The following ZC3H12B variants were observed in gnomAD, a reference collection of about 807,000 sequenced individuals.
The protein encoded by ZC3H12B is probable ribonuclease ZC3H12B.
Under a neutral mutation model 43.9 loss-of-function variants are expected in ZC3H12B, and 7 were observed. The observed-to-expected ratio is 0.16, with a 90% CI of 0.09 to 0.30. The LOEUF (loss-of-function observed/expected upper bound fraction) is 0.30, where lower values mean the gene tolerates loss of function less well. ZC3H12B is among the 10% of genes least tolerant of loss of function. ZC3H12B has a pLI of 1.00. For synonymous variants in ZC3H12B, 222 were observed against 241.7 expected, an observed-to-expected ratio of 0.92 and a Z score of 0.76; for missense variants, 475 against 670.2, an observed-to-expected ratio of 0.71 and a Z score of 3.22.
chrX:65,116,720 C>A, the ZC3H12B span, among the ~76,000 whole-genome samples: 2 of 109,800 alleles, frequency 1.8e-5, no homozygotes, highest in Non-Finnish European at 1.9e-5. Context: ...CCCCCCTCCC[C>A]CCAAACCACA....
the ZC3H12B span, among the ~76,000 whole-genome samples, chrX:65,285,949 T>C: frequency 1.8e-5 from 2 of 111,895 alleles, no homozygotes; most frequent in Non-Finnish European, 3.8e-5. Flanking sequence ...CAACCTTGAA[T>C]GTAAATGGGT....
chrX:65,371,650 T>A (rs756118566), intron 2 of ZC3H12B, among the ~76,000 whole-genome samples: 1 of 112,174 alleles, frequency 8.9e-6, no homozygotes, highest in East Asian at 2.8e-4. Flanking sequence ...TGCAAGCAAA[T>A]GTACAAATAA....
chrX:65,394,842 A>G (rs1462374263), intron 2 of ZC3H12B, among the ~76,000 whole-genome samples: 2 of 112,021 alleles, frequency 1.8e-5, no homozygotes, highest in African/African-American at 6.5e-5. Context: ...TAAGCATGGA[A>G]TGTTTTTCCA....
chrX:65,443,023 G>A (rs2067323969), intron 3 of ZC3H12B, among the ~76,000 whole-genome samples: 1 of 111,010 alleles, frequency 9.0e-6, no homozygotes, highest in African/African-American at 3.3e-5. Context: ...AATAAGGAGG[G>A]GGTGCAGAAG....
chrX:65,461,746 AATG>A (rs1211411258), intron 3 of ZC3H12B, among the ~76,000 whole-genome samples: 1 of 111,479 alleles, frequency 9.0e-6, no homozygotes, highest in Non-Finnish European at 1.9e-5. Flanking sequence ...AGATATACCT[AATG>A]TTAAGTGATG....
the ZC3H12B span, among the ~76,000 whole-genome samples, chrX:65,218,776 T>A: frequency 9.0e-6 from 1 of 111,421 alleles, no homozygotes; most frequent in Non-Finnish European, 1.9e-5. Context: ...TTGGGAGCTC[T>A]ATGGCCCCAC....
the ZC3H12B span, among the ~76,000 whole-genome samples, chrX:65,200,807 T>C: frequency 1.8e-5 from 2 of 111,223 alleles, no homozygotes; most frequent in Admixed American, 1.9e-4. Context: ...ATTTTTGTTT[T>C]TGTTGCAATT....
At chrX:65,100,445 A>T in the ZC3H12B span, among the ~76,000 whole-genome samples, 17 of 107,670 alleles carry the variant, frequency 1.6e-4, no homozygotes, top group East Asian at 3.8e-3. Flanking sequence ...ACAGAGTGGC[A>T]AGTTGGATAA....
At chrX:65,066,046 CT>C in the ZC3H12B span, among the ~76,000 whole-genome samples, 1 of 108,530 alleles carries the variant, frequency 9.2e-6, no homozygotes, top group African/African-American at 3.4e-5. Flanking sequence ...CTCCTGTAAC[CT>C]TTTTTCAAGG....
the ZC3H12B span, among the ~76,000 whole-genome samples, chrX:65,267,439 A>C: frequency 1.8e-5 from 2 of 110,049 alleles, no homozygotes; most frequent in African/African-American, 6.6e-5. Context: ...ATATGCAAAA[A>C]TTTCAGGTTT....
At chrX:65,103,285 C>G in the ZC3H12B span, among the ~76,000 whole-genome samples, 1 of 111,801 alleles carries the variant, frequency 8.9e-6, no homozygotes, top group Non-Finnish European at 1.9e-5. Flanking sequence ...ATCAATATTT[C>G]TCCTATTTGC....
chrX:65,466,329 T>C (rs1376328351), intron 3 of ZC3H12B, among the ~76,000 whole-genome samples: 4 of 110,952 alleles, frequency 3.6e-5, no homozygotes, highest in Non-Finnish European at 5.7e-5. Flanking sequence ...ACAAATAGAA[T>C]GATTTTTTCT....
the ZC3H12B span, among the ~76,000 whole-genome samples, chrX:65,190,434 G>T: frequency 6.3e-5 from 7 of 111,092 alleles, no homozygotes; most frequent in Non-Finnish European, 1.3e-4. Context: ...CCATGAGCAT[G>T]GAATGTTCTT....
chrX:65,414,747 C>A (rs893648267), intron 3 of ZC3H12B, among the ~76,000 whole-genome samples: 1 of 111,693 alleles, frequency 9.0e-6, no homozygotes, highest in Admixed American at 9.5e-5. Flanking sequence ...GTAAAGAAAG[C>A]AGAATGACAT....
chrX:65,143,026 T>A, the ZC3H12B span, among the ~76,000 whole-genome samples: 4 of 111,438 alleles, frequency 3.6e-5, no homozygotes, highest in African/African-American at 1.3e-4. Flanking sequence ...TTTTTTTTTC[T>A]AATTCTGTGA....
chrX:65,143,077 G>A, the ZC3H12B span, among the ~76,000 whole-genome samples: 9 of 110,118 alleles, frequency 8.2e-5, no homozygotes, highest in African/African-American at 3.3e-5. Flanking sequence ...TGTTGAATTT[G>A]TAGCTTGCTT....
chrX:65,311,476 T>G, the ZC3H12B span, among the ~76,000 whole-genome samples: 1 of 111,704 alleles, frequency 9.0e-6, no homozygotes, highest in Non-Finnish European at 1.9e-5. Context: ...ATGGCGATCA[T>G]TAAAATGTCA....
the ZC3H12B span, among the ~76,000 whole-genome samples, chrX:65,157,096 C>T: frequency 9.0e-6 from 1 of 111,167 alleles, no homozygotes; most frequent in Non-Finnish European, 1.9e-5. Context: ...ATCCTCCTAC[C>T]TCAGCCTCCC....
chrX:65,225,649 A>G, the ZC3H12B span, among the ~76,000 whole-genome samples: 9 of 112,135 alleles, frequency 8.0e-5, no homozygotes, highest in African/African-American at 2.9e-4. Flanking sequence ...CAAATGTATA[A>G]CTAGAATAAC....
Sources: allele counts gnomAD v4.1 joint callset (sites outside exome capture counted in the v4.1 genomes callset), GRCh38; gene constraint gnomAD v4.1.1; transcripts MANE v1.5; gene names NCBI Gene and HGNC (gene_info 2026-07-23, HGNC 2026-07-21).